Variants in RNF216 observed in about 807,000 individuals in gnomAD.
RNF216 encodes E3 ubiquitin-protein ligase RNF216.
Under a neutral mutation model 110.8 loss-of-function variants are expected in RNF216, and 72 were observed. The observed-to-expected ratio is 0.65, with a 90% CI of 0.54 to 0.79. The LOEUF is 0.79. Among genes scored for constraint, RNF216 ranks in the 30% least tolerant of loss-of-function variants. The pLI, the probability that RNF216 is intolerant of heterozygous loss-of-function variation, is 0.00. For missense variants in RNF216, 1,342 were observed against 1,141.2 expected (o/e 1.18, Z -2.54); for synonymous variants, 495 against 407.5 (o/e 1.21, Z -2.59).
chr7:5,644,632 G>A (rs984024037), intron 14 of RNF216, among the ~76,000 whole-genome samples: 1 of 151,508 alleles, frequency 6.6e-6, no homozygotes, highest in South Asian at 2.1e-4. Context: ...AGCCTCCTGA[G>A]TAGCTGGAAA....
intron 13 of RNF216, chr7:5,666,560 A>G (rs1789539818): frequency 6.6e-6 from 1 of 152,302 alleles, no homozygotes; most frequent in Non-Finnish European, 1.5e-5. Context: ...GATGCTGAAG[A>G]AGAGCCTCTG....
chr7:5,674,827 C>T (rs1054973758), intron 13 of RNF216, among the ~76,000 whole-genome samples: 1 of 151,904 alleles, frequency 6.6e-6, no homozygotes, highest in Non-Finnish European at 1.5e-5. Flanking sequence ...AAAACCCCAT[C>T]TCTACTAAAA....
At chr7:5,654,246 G>A (rs1025647550) in intron 13 of RNF216, among the ~76,000 whole-genome samples, 1 of 152,136 alleles carries the variant, frequency 6.6e-6, no homozygotes, top group Non-Finnish European at 1.5e-5. Context: ...GAGATGAGTC[G>A]CCGTGCCTGG....
chr7:5,768,664 TG>T (rs1796333726), intron 1 of RNF216, among the ~76,000 whole-genome samples: 1 of 117,072 alleles, frequency 8.5e-6, no homozygotes, highest in African/African-American at 3.1e-5. Context: ...GAAGCAACTT[TG>T]TTTTTTTTTT....
chr7:5,721,113 A>G lies in RNF216; in HGVS notation c.1564T>C (p.Ser522Pro). 6.2e-7 allele frequency: 1 copy of G among 1,613,988 alleles called. No individual in the cohort carries two copies. Among genetic ancestry groups the G allele is most frequent in the Admixed American group, 1.7e-5 (1 of 60,024 alleles). Reference sequence around the variant, plus strand: ...GGAAGGAGAGCACGTCGGTCATAGGACCTACAATGTCGTCGCTTATTTTCA... The same window carrying G: ...GGAAGGAGAGCACGTCGGTCATAGGGCCTACAATGTCGTCGCTTATTTTCA... ...FLENKRRHCR[S>P]YDRRALLPAV... Residue 522 changes from serine (S) to proline (P), a missense_variant, in exon 9 of 17, where the codon TCC becomes CCC. Physicochemically the swap from Ser to Pro is moderately conservative, Grantham distance 74. Transcript: ENST00000389902.
intron 9 of RNF216, 89 bp from the exon 10 acceptor site, chr7:5,716,855 A>G: frequency 1.0e-6 from 1 of 1,004,632 alleles, no homozygotes. Context: ...ACATAACTCC[A>G]GTATTGCGAT....
intron 5 of RNF216, among the ~76,000 whole-genome samples, 192 bp downstream of exon 5, chr7:5,739,084 T>G (rs1359428870): frequency 6.6e-6 from 1 of 152,178 alleles, no homozygotes; most frequent in Non-Finnish European, 1.5e-5. Context: ...GAGTGTTTAA[T>G]GCGGACAGAG....
intron 15 of RNF216, among the ~76,000 whole-genome samples, chr7:5,639,977 T>C (rs572650039): frequency 6.6e-6 from 1 of 151,946 alleles, no homozygotes. Flanking sequence ...GCCAGGATGG[T>C]CTCGATCTCC....
At chr7:5,677,108 G>C (rs1386950690) in intron 13 of RNF216, among the ~76,000 whole-genome samples, 1 of 152,196 alleles carries the variant, frequency 6.6e-6, no homozygotes, top group Non-Finnish European at 1.5e-5. Flanking sequence ...GCACTCTGAC[G>C]TATGGTTTAC....
At chr7:5,772,905 A>AGTAGCT (rs1796573662) in intron 1 of RNF216, among the ~76,000 whole-genome samples, 2 of 151,378 alleles carry the variant, frequency 1.3e-5, no homozygotes, top group South Asian at 2.1e-4. Flanking sequence ...CACCCTCCCG[A>AGTAGCT]GTAGCTGGGA....
At chr7:5,669,983 G>A (rs1369602165) in intron 13 of RNF216, among the ~76,000 whole-genome samples, 2 of 151,666 alleles carry the variant, frequency 1.3e-5, no homozygotes, top group Non-Finnish European at 2.9e-5. Context: ...CTGGAGTGCA[G>A]TGGCGCGATC....
chr7:5,682,697 C>T (rs1018374698), intron 13 of RNF216, among the ~76,000 whole-genome samples: 12 of 152,088 alleles, frequency 7.9e-5, no homozygotes, highest in East Asian at 1.9e-4. Context: ...TGAGCCTCTG[C>T]GCTCGGCTGA....
At chr7:5,646,052 T>C (rs759044362) in intron 14 of RNF216, among the ~76,000 whole-genome samples, 2 of 152,238 alleles carry the variant, frequency 1.3e-5, no homozygotes, top group South Asian at 2.1e-4. Context: ...AGATGGTTTC[T>C]ATCAACTACT....
intron 2 of RNF216, 145 bp from the exon 3 acceptor site, chr7:5,753,124 G>C (rs1795422044): frequency 1.4e-6 from 1 of 690,586 alleles, no homozygotes; most frequent in African/African-American, 1.9e-5. Context: ...GTGCACTTAA[G>C]CATTAAGAGC....
chr7:5,776,237 T>C (rs1038614729), intron 1 of RNF216, among the ~76,000 whole-genome samples: 1 of 152,108 alleles, frequency 6.6e-6, no homozygotes, highest in African/African-American at 2.4e-5. Flanking sequence ...AAATGGATTT[T>C]GTCTCAAAGA....
chr7:5,703,866 T>C (rs1221603503), intron 13 of RNF216, among the ~76,000 whole-genome samples: 1 of 152,210 alleles, frequency 6.6e-6, no homozygotes, highest in Non-Finnish European at 1.5e-5. Context: ...GCTCTGAGTT[T>C]ATAAAGCAAA....
At chr7:5,754,742 T>C (rs1054828845) in intron 2 of RNF216, among the ~76,000 whole-genome samples, 5 of 152,000 alleles carry the variant, frequency 3.3e-5, no homozygotes, top group Non-Finnish European at 5.9e-5. Flanking sequence ...AAAAAGTTGG[T>C]TTAGGCTGGG....
intron 2 of RNF216, among the ~76,000 whole-genome samples, chr7:5,756,650 G>A (rs1041426614): frequency 2.0e-5 from 3 of 152,220 alleles, no homozygotes; most frequent in African/African-American, 4.8e-5. Context: ...CGACAGGGTC[G>A]CTCTCTGTTG....
At chr7:5,768,290 G>A (rs1397705403) in intron 1 of RNF216, among the ~76,000 whole-genome samples, 2 of 90,566 alleles carry the variant, frequency 2.2e-5, no homozygotes, top group African/African-American at 1.1e-4. Context: ...GTCGCTATTA[G>A]GGGGAAAAAA....
Sources: allele counts gnomAD v4.1 joint callset (sites outside exome capture counted in the v4.1 genomes callset), GRCh38; gene constraint gnomAD v4.1.1; transcripts MANE v1.5; gene names NCBI Gene and HGNC (gene_info 2026-07-23, HGNC 2026-07-21).